Variants in KCNC2 observed in about 807,000 individuals in gnomAD.
KCNC2 encodes potassium voltage-gated channel subfamily C member 2, also known as voltage-gated potassium channel KCNC2.
Under a neutral mutation model 44.5 loss-of-function variants are expected in KCNC2, and 21 were observed. That is an observed-to-expected ratio of 0.47 (90% CI 0.33 to 0.68). The LOEUF is 0.68. KCNC2 is among the 30% of genes least tolerant of loss of function. The probability of loss-of-function intolerance (pLI) is 0.01; values close to 1 mark genes in which losing one functional copy is unlikely to be tolerated. For synonymous variants in KCNC2, 391 were observed against 339.1 expected, an observed-to-expected ratio of 1.15 and a Z score of -1.68; for missense variants, 589 against 826.2, an observed-to-expected ratio of 0.71 and a Z score of 3.52.
intron 2 of KCNC2, among the ~76,000 whole-genome samples, chr12:75,108,324 G>A (rs77858232): frequency 0.17 from 25,188 of 152,118 alleles, 2,182 homozygotes; most frequent in Middle Eastern, 0.24. Context: ...ATAGGAGAAA[G>A]ATATTTCTAA....
At chr12:75,167,613 C>G (rs1891543894) in intron 2 of KCNC2, among the ~76,000 whole-genome samples, 1 of 151,202 alleles carries the variant, frequency 6.6e-6, no homozygotes, top group African/African-American at 2.4e-5. Context: ...AGGCTAATAA[C>G]CAGAGCTGAC....
chr12:75,173,535 G>A (rs371556669), intron 2 of KCNC2, among the ~76,000 whole-genome samples: 1 of 151,656 alleles, frequency 6.6e-6, no homozygotes, highest in African/African-American at 2.4e-5. Flanking sequence ...CTTCACTAAA[G>A]CACTTCCTAT....
At chr12:75,203,606 T>C (rs894313504) in intron 2 of KCNC2, among the ~76,000 whole-genome samples, 1 of 151,878 alleles carries the variant, frequency 6.6e-6, no homozygotes, top group Non-Finnish European at 1.5e-5. Context: ...GTTATTATTT[T>C]GTTTTTTCTT....
intron 2 of KCNC2, among the ~76,000 whole-genome samples, chr12:75,169,384 TATA>T (rs1398966223): frequency 6.6e-6 from 1 of 151,604 alleles, no homozygotes; most frequent in Admixed American, 6.6e-5. Context: ...ACTCAAAGTT[TATA>T]ATATCTTCAG....
chr12:75,109,728 A>G (rs1012465259), intron 2 of KCNC2, among the ~76,000 whole-genome samples: 5 of 152,104 alleles, frequency 3.3e-5, no homozygotes, highest in African/African-American at 7.2e-5. Flanking sequence ...ACTGGTGTCT[A>G]CAAAAAGGCC....
At chr12:75,179,616 A>ATC (rs964312258) in intron 2 of KCNC2, among the ~76,000 whole-genome samples, 1 of 123,058 alleles carries the variant, frequency 8.1e-6, no homozygotes, top group African/African-American at 3.2e-5. Context: ...TTTATAAAAG[A>ATC]TAGTTTTATA....
At position 75,043,194 on chromosome 12, in the gene KCNC2, T is replaced by C; in HGVS notation, c.1828A>G (p.Asn610Asp). ...GTTACTGGAGAGAGCCTCAGAGCATTGCCTGCCAAGCCCGCTATGTTGTTT... is the reference window on the plus strand; with the variant it reads ...GTTACTGGAGAGAGCCTCAGAGCATCGCCTGCCAAGCCCGCTATGTTGTTT... ...SLNNIAGLAG[N>D]ALRLSPVTSP... Residue 610 changes from asparagine (N) to aspartate (D), a missense_variant, in exon 5 of 5, where the codon AAT becomes GAT. Coordinates refer to ENST00000549446, the MANE Select transcript of KCNC2 (RefSeq NM_139137.4). 1 of 1,612,436 alleles carries C rather than the reference T, an allele frequency of 6.2e-7. No individual in the cohort carries two copies. Among genetic ancestry groups the C allele is most frequent in the Non-Finnish European group, 8.5e-7 (1 of 1,179,012 alleles).
At chr12:75,077,776 T>C (rs1441667833) in intron 2 of KCNC2, among the ~76,000 whole-genome samples, 6 of 152,308 alleles carry the variant, frequency 3.9e-5, no homozygotes, top group Non-Finnish European at 4.4e-5. Context: ...ATGTATGTTA[T>C]ACAGAGATAC....
intron 2 of KCNC2, among the ~76,000 whole-genome samples, chr12:75,176,667 A>G (rs1892206570): frequency 1.3e-5 from 2 of 151,774 alleles, no homozygotes; most frequent in African/African-American, 4.8e-5. Flanking sequence ...CCTTCAGTTA[A>G]TAATACATGT....
At chr12:75,160,282 G>A (rs1891036957) in intron 2 of KCNC2, among the ~76,000 whole-genome samples, 1 of 151,768 alleles carries the variant, frequency 6.6e-6, no homozygotes, top group South Asian at 2.1e-4. Flanking sequence ...GGCCTCAAAA[G>A]AAACCAGACC....
rs529350682 is a variant in KCNC2, at chr12:75,054,354, C to T, written c.688-3037G>A. Among the ~76,000 whole-genome samples, 8 of 151,940 alleles carry T rather than the reference C, an allele frequency of 5.3e-5. No individual in the cohort carries two copies. The South Asian group carries it at 8.3e-4, about 16-fold the overall frequency. On this transcript the variant is annotated intron_variant, in intron 2 of 4. Coordinates refer to ENST00000549446, the MANE Select transcript of KCNC2 (RefSeq NM_139137.4). ...GATTCTAAGACAGAACAAAAGTATGCTTGACAATAACATAATAGAAATTTG... is the reference window on the plus strand; with the variant it reads ...GATTCTAAGACAGAACAAAAGTATGTTTGACAATAACATAATAGAAATTTG...
intron 2 of KCNC2, among the ~76,000 whole-genome samples, chr12:75,066,884 A>G (rs1313780717): frequency 6.6e-6 from 1 of 152,200 alleles, no homozygotes; most frequent in Non-Finnish European, 1.5e-5. Flanking sequence ...AAATCATTTA[A>G]TCTAATGCTT....
intron 2 of KCNC2, among the ~76,000 whole-genome samples, chr12:75,147,546 A>G (rs1395934067): frequency 6.6e-6 from 1 of 152,224 alleles, no homozygotes; most frequent in African/African-American, 2.4e-5. Flanking sequence ...AACTATAGTC[A>G]TCATCTAAGG....
chr12:75,041,930 G>T lies in KCNC2; in HGVS notation c.*1175C>A. On this transcript the variant is annotated 3_prime_UTR_variant, in exon 5 of 5. Transcript: ENST00000549446. ...TACAGAGGCATTTCTGTGCTTCATG[G>T]AGACAGATGGCATATACAGGAAAGA... is the stretch of plus-strand genomic sequence containing the variant. 1 of 999,746 alleles carries T rather than the reference G, an allele frequency of 1.0e-6. No homozygotes were observed. The highest frequency in any genetic ancestry group is 1.2e-6 in the Non-Finnish European group (1 of 839,692). The allele number at this position is 999,746 out of a possible 1,614,324, so 61.9% of individuals were successfully genotyped here.
At chr12:75,116,223 A>G (rs987815533) in intron 2 of KCNC2, among the ~76,000 whole-genome samples, 2 of 152,194 alleles carry the variant, frequency 1.3e-5, no homozygotes, top group Admixed American at 6.5e-5. Context: ...AGACGGTTGC[A>G]GGACCTGAAT....
intron 1 of KCNC2, among the ~76,000 whole-genome samples, chr12:75,208,836 A>G (rs191702550): frequency 6.6e-6 from 1 of 152,058 alleles, no homozygotes; most frequent in East Asian, 1.9e-4. Context: ...ATTGTTGTTG[A>G]TATTATTATT....
chr12:75,049,735 T>G (rs575539238), intron 3 of KCNC2, among the ~76,000 whole-genome samples: 1 of 152,156 alleles, frequency 6.6e-6, no homozygotes, highest in Admixed American at 6.5e-5. Flanking sequence ...TGAAAAATGG[T>G]GGGTTAATTA....
At position 75,070,967 on chromosome 12, in the gene KCNC2, T is replaced by G. The variant is rs140738462; in HGVS notation, c.688-19650A>C. On this transcript the variant is annotated intron_variant, in intron 2 of 4. Coordinates refer to ENST00000549446, the MANE Select transcript of KCNC2 (RefSeq NM_139137.4). ...CAGACATATTTTTCACATTAAATCT[T>G]TTATTTATCTTGCTCAGTTTTTTAT... Among the ~76,000 whole-genome samples the G allele has an allele frequency of 5.4e-3, 825 of 152,220 alleles. 5 individuals are homozygous for G. Among genetic ancestry groups the G allele is most frequent in the African/African-American group, 0.019 (773 of 41,572 alleles).
At chr12:75,183,014 T>C (rs1261437230) in intron 2 of KCNC2, among the ~76,000 whole-genome samples, 1 of 152,206 alleles carries the variant, frequency 6.6e-6, no homozygotes. Context: ...GATGAATACA[T>C]GGCCATCCGG....
Sources: allele counts gnomAD v4.1 joint callset (sites outside exome capture counted in the v4.1 genomes callset), GRCh38; gene constraint gnomAD v4.1.1; transcripts MANE v1.5; gene names NCBI Gene and HGNC (gene_info 2026-07-23, HGNC 2026-07-21).